CSNK1G1: variants seen among roughly 807,000 people sequenced by gnomAD.
CSNK1G1 encodes the protein casein kinase I isoform gamma-1.
CSNK1G1 carries 22 observed loss-of-function variants against 59.6 expected under a neutral mutation model. The ratio of observed to expected loss-of-function variants is 0.37; its 90% CI spans 0.26 to 0.53. The LOEUF is 0.53. Ranked by LOEUF, CSNK1G1 falls within the 20% of genes least tolerant of loss-of-function variation. The probability of loss-of-function intolerance (pLI) is 0.89; values close to 1 mark genes in which losing one functional copy is unlikely to be tolerated. For synonymous variants in CSNK1G1, 179 were observed against 177.1 expected, an observed-to-expected ratio of 1.01 and a Z score of -0.08; for missense variants, 384 against 519.5, an observed-to-expected ratio of 0.74 and a Z score of 2.54.
chr15:64,180,438 T>C lies in CSNK1G1; in HGVS notation c.1124A>G (p.Asn375Ser), dbSNP rs749414791. Reference sequence around the variant, plus strand: ...GGGATCATCAACATTCAGCTCTCCATTGGTTGAGCTAACCACCTGAAACAG... The same window carrying C: ...GGGATCATCAACATTCAGCTCTCCACTGGTTGAGCTAACCACCTGAAACAG... ...PLRNQVVSST[N>S]GELNVDDPTG... Residue 375 changes from asparagine to serine, a missense_variant, in exon 11 of 12, where the codon AAT (asparagine) becomes AGT (serine). By Grantham distance (46) the Asn-to-Ser change is conservative (BLOSUM62 1). Coordinates refer to ENST00000303052, the MANE Select transcript of CSNK1G1 (RefSeq NM_022048.5). 9.3e-6 allele frequency: 15 copies of C among 1,613,600 alleles called. No homozygotes were observed. Among genetic ancestry groups the C allele is most frequent in the African/African-American group, 6.7e-5 (5 of 74,900 alleles).
rs561926922 is a variant in CSNK1G1, at chr15:64,207,489, C to G, written c.765+20G>C. ...CTGAGCATTGAAACAAAGCCCTCCA[C>G]TGAACACTTTCAAGGATACCTTGAG... On this transcript the variant is annotated intron_variant, in intron 7 of 11. Coordinates refer to ENST00000303052, the MANE Select transcript of CSNK1G1 (RefSeq NM_022048.5). The G allele has an allele frequency of 1.4e-5, 22 of 1,567,368 alleles. No individual in the cohort carries two copies. In the South Asian group the frequency reaches 2.1e-4, roughly 15 times the overall value.
In CSNK1G1 at chr15:64,347,569, A is replaced by T. The variant is rs999901807; in HGVS notation, c.-225+8419T>A. Among the ~76,000 whole-genome samples, 6 of 140,024 alleles carry T rather than the reference A, an allele frequency of 4.3e-5. No homozygotes were observed. The Admixed American group carries it at 4.6e-4, about 11-fold the overall frequency. The allele number at this position is 140,024 out of a possible 152,430, so 91.9% of individuals were successfully genotyped here. ...AATTCAAGGCCAGCCTGGTCAACAT[A>T]GCAACACTCCGTCTTAAAAAAAAAA... is the stretch of plus-strand genomic sequence containing the variant. On this transcript the variant is annotated intron_variant, in intron 1 of 11. Transcript: ENST00000303052.
chr15:64,254,671 A>C (rs898187074), intron 3 of CSNK1G1, among the ~76,000 whole-genome samples: 2 of 152,186 alleles, frequency 1.3e-5, no homozygotes, highest in African/African-American at 4.8e-5. Flanking sequence ...GCACTTTAAA[A>C]AACTGTTATA....
rs550985492 is a variant in CSNK1G1, at chr15:64,238,577, C to T, written c.292+12935G>A. Reference sequence around the variant, plus strand: ...AACCCACATTCCTAGTGCAGGTTTGCTTACTGTGTGACTTTAGGTAAGTTA... The same window carrying T: ...AACCCACATTCCTAGTGCAGGTTTGTTTACTGTGTGACTTTAGGTAAGTTA... On this transcript the variant is annotated intron_variant, in intron 4 of 11. Transcript: ENST00000303052. 2.3e-5 allele frequency among the ~76,000 whole-genome samples: 3 copies of T among 130,530 alleles called. No individual in the cohort carries two copies. In the South Asian group the frequency reaches 7.7e-4, roughly 34 times the overall value. 85.6% of individuals were successfully genotyped at this position (130,530 alleles called of 152,430 possible).
At chr15:64,273,018 T>TA (rs1893409134) in intron 2 of CSNK1G1, among the ~76,000 whole-genome samples, 1 of 152,240 alleles carries the variant, frequency 6.6e-6, no homozygotes, top group African/African-American at 2.4e-5. Context: ...CTCTTGTTTT[T>TA]ATCAATTACC....
At chr15:64,342,073 G>A (rs1308787314) in intron 1 of CSNK1G1, among the ~76,000 whole-genome samples, 1 of 152,128 alleles carries the variant, frequency 6.6e-6, no homozygotes, top group Admixed American at 6.5e-5. Context: ...TTTCCCTTCC[G>A]ACAGTGACGT....
intron 2 of CSNK1G1, among the ~76,000 whole-genome samples, chr15:64,262,370 A>C (rs1892740328): frequency 6.6e-6 from 1 of 152,226 alleles, no homozygotes; most frequent in African/African-American, 2.4e-5. Flanking sequence ...CAGCACTTGA[A>C]GTGAGTCCTG....
At chr15:64,296,066 A>G (rs1333811812) in intron 2 of CSNK1G1, among the ~76,000 whole-genome samples, 1 of 151,906 alleles carries the variant, frequency 6.6e-6, no homozygotes, top group Non-Finnish European at 1.5e-5. Flanking sequence ...ATCAAATCAT[A>G]CCTCCTCTTT....
intron 2 of CSNK1G1, among the ~76,000 whole-genome samples, chr15:64,282,190 A>G (rs1215588477): frequency 6.6e-6 from 1 of 151,994 alleles, no homozygotes; most frequent in African/African-American, 2.4e-5. Context: ...TGGCCTCCCA[A>G]AGTGCTGGGA....
intron 10 of CSNK1G1, among the ~76,000 whole-genome samples, chr15:64,202,475 A>G (rs1412698960): frequency 6.6e-6 from 1 of 151,402 alleles, no homozygotes; most frequent in East Asian, 1.9e-4. Flanking sequence ...TTTTGGTCCT[A>G]TGGTAGATGC....
chr15:64,216,817 G>T lies in CSNK1G1; in HGVS notation c.293-104C>A, dbSNP rs2082317561. 9.1e-7 allele frequency: 1 copy of T among 1,093,870 alleles called. No individual in the cohort carries two copies. Among genetic ancestry groups the T allele is most frequent in the Admixed American group, 2.7e-5 (1 of 36,462 alleles). The allele number at this position is 1,093,870 out of a possible 1,614,324, so 67.8% of individuals were successfully genotyped here. Reference sequence around the variant, plus strand: ...TAAAATATTTTTAAAAGTACAATTTGTGAGATTTCCATTTTCTTTCATAGT... The same window carrying T: ...TAAAATATTTTTAAAAGTACAATTTTTGAGATTTCCATTTTCTTTCATAGT... On this transcript the variant is annotated intron_variant, in intron 4 of 11. Transcript: ENST00000303052. The surrounding 1 kb of genome is among the most constrained non-coding windows in gnomAD (Gnocchi z 4.6).
At chr15:64,267,793 C>T (rs1431920036) in intron 2 of CSNK1G1, among the ~76,000 whole-genome samples, 1 of 152,136 alleles carries the variant, frequency 6.6e-6, no homozygotes, top group Non-Finnish European at 1.5e-5. Flanking sequence ...AACAATTCCA[C>T]TACTGGGTAT....
At chr15:64,269,177 GT>G (rs757455281) in intron 2 of CSNK1G1, among the ~76,000 whole-genome samples, 1 of 152,128 alleles carries the variant, frequency 6.6e-6, no homozygotes, top group Non-Finnish European at 1.5e-5. Context: ...TTATCTAGAA[GT>G]TTGGTGATGT....
Position 64,299,491 on chromosome 15 carries a change from T to C in CSNK1G1, c.181+828A>G, listed in dbSNP as rs549170091. Among the ~76,000 whole-genome samples, 11 of 151,366 alleles carry C rather than the reference T, an allele frequency of 7.3e-5. No individual in the cohort carries two copies. The South Asian group carries it at 8.4e-4, about 12-fold the overall frequency. ...CCTGTAGTCCCAGCTACTTGGGAGG[T>C]TGAGGCAGGAGAATGGCATGAACCC... On this transcript the variant is annotated intron_variant, in intron 2 of 11. Transcript: ENST00000303052.
rs1405402035 is a variant in CSNK1G1, at chr15:64,166,796, TACTGGAATGG to T, written c.*5125_*5134del. ...AGAACAGCTGTCCTCTTGTGGGTGT[TACTGGAATGG>T]CTGCACCACACCCCCACTTATTACC... On this transcript the variant is annotated 3_prime_UTR_variant, in exon 12 of 12. Coordinates refer to ENST00000303052, the MANE Select transcript of CSNK1G1 (RefSeq NM_022048.5). The surrounding 1 kb of genome is among the most constrained non-coding windows in gnomAD (Gnocchi z 4.5). 1 of 152,640 alleles carries T rather than the reference TACTGGAATGG, an allele frequency of 6.6e-6. No individual in the cohort carries two copies. The highest frequency in any genetic ancestry group is 1.5e-5 in the Non-Finnish European group (1 of 68,044). 9.5% of individuals were successfully genotyped at this position (152,640 alleles called of 1,614,324 possible). A position where few individuals can be genotyped will look rare whatever the true frequency, so the allele number is the denominator to read the frequency against.
At chr15:64,323,184 C>A (rs769377768) in intron 1 of CSNK1G1, among the ~76,000 whole-genome samples, 1 of 152,088 alleles carries the variant, frequency 6.6e-6, no homozygotes, top group Admixed American at 6.6e-5. Context: ...GCCTTGGCCT[C>A]GCAAAGTGCT....
chr15:64,251,145 A>G (rs1340246730), intron 4 of CSNK1G1, among the ~76,000 whole-genome samples: 1 of 152,144 alleles, frequency 6.6e-6, no homozygotes, highest in Non-Finnish European at 1.5e-5. Context: ...AAACAGATAA[A>G]CCATCTCAGT....
At chr15:64,344,368 A>G (rs998228383) in intron 1 of CSNK1G1, among the ~76,000 whole-genome samples, 3 of 152,240 alleles carry the variant, frequency 2.0e-5, no homozygotes, top group African/African-American at 7.2e-5. Flanking sequence ...ACATGAAAGC[A>G]GAATTCCATT....
At chr15:64,246,653 G>T (rs1225907951) in intron 4 of CSNK1G1, among the ~76,000 whole-genome samples, 5 of 143,230 alleles carry the variant, frequency 3.5e-5, no homozygotes, top group African/African-American at 1.3e-4. Flanking sequence ...GGGGGGGGAG[G>T]AATCTTGTCA....
Sources: allele counts gnomAD v4.1 joint callset (sites outside exome capture counted in the v4.1 genomes callset), GRCh38; gene constraint gnomAD v4.1.1; non-coding constraint Gnocchi (gnomAD v3.1); transcripts MANE v1.5; gene names NCBI Gene and HGNC (gene_info 2026-07-23, HGNC 2026-07-21).